ZNF385D: variants seen among roughly 807,000 people sequenced by gnomAD.
ZNF385D encodes zinc finger protein 659.
In ZNF385D, 15 loss-of-function variants were observed where a neutral mutation model predicts 35.8. The observed-to-expected ratio is 0.42, with a 90% CI of 0.28 to 0.64. The LOEUF (loss-of-function observed/expected upper bound fraction) is 0.64. Among genes scored for constraint, ZNF385D ranks in the 30% least tolerant of loss-of-function variants. The probability of loss-of-function intolerance (pLI) is 0.23; values close to 1 mark genes in which losing one functional copy is unlikely to be tolerated. For synonymous variants in ZNF385D, 212 were observed against 186.8 expected, an observed-to-expected ratio of 1.13 and a Z score of -1.10; for missense variants, 474 against 494.6, an observed-to-expected ratio of 0.96 and a Z score of 0.39.
intron 1 of ZNF385D, among the ~76,000 whole-genome samples, chr3:21,748,453 C>G (rs2069889921): frequency 6.6e-6 from 1 of 152,076 alleles, no homozygotes; most frequent in Non-Finnish European, 1.5e-5. Context: ...ACTGACAAAT[C>G]AGATGATTTA....
chr3:21,860,749 G>A (rs1196077961), intron 3 of ZNF385D, among the ~76,000 whole-genome samples: 1 of 152,132 alleles, frequency 6.6e-6, no homozygotes, highest in Non-Finnish European at 1.5e-5. Context: ...TGATACCTGA[G>A]GCAGTTTCAT....
chr3:22,114,292 A>G (rs1036872916), intron 3 of ZNF385D, among the ~76,000 whole-genome samples: 1 of 152,098 alleles, frequency 6.6e-6, no homozygotes, highest in Non-Finnish European at 1.5e-5. Context: ...TAATTCACAT[A>G]ACATTTGCAT....
At chr3:22,359,309 A>C (rs1696305754) in intron 2 of ZNF385D, among the ~76,000 whole-genome samples, 1 of 151,786 alleles carries the variant, frequency 6.6e-6, no homozygotes, top group African/African-American at 2.4e-5. Flanking sequence ...TGTCTTGTAG[A>C]ATCCAGTATC....
chr3:21,466,551 C>A (rs528716945), intron 4 of ZNF385D, among the ~76,000 whole-genome samples: 1 of 152,292 alleles, frequency 6.6e-6, no homozygotes, highest in East Asian at 1.9e-4. Flanking sequence ...TCTGACCACA[C>A]AACATCATGA....
intron 3 of ZNF385D, among the ~76,000 whole-genome samples, chr3:21,946,742 G>C (rs113037957): frequency 2.0e-5 from 3 of 152,112 alleles, no homozygotes; most frequent in African/African-American, 7.2e-5. Context: ...TGAAGCAGGA[G>C]AAACACTTGA....
intron 2 of ZNF385D, among the ~76,000 whole-genome samples, chr3:22,305,690 T>G (rs73821880): frequency 0.065 from 9,907 of 152,156 alleles, 834 homozygotes; most frequent in African/African-American, 0.19. Context: ...CCTAAGCAAG[T>G]CACACGGCCA....
At chr3:21,571,139 C>G (rs1196709067) in intron 2 of ZNF385D, among the ~76,000 whole-genome samples, 1 of 152,174 alleles carries the variant, frequency 6.6e-6, no homozygotes, top group Non-Finnish European at 1.5e-5. Context: ...TTTCAGCAAT[C>G]AAGTCTCTCA....
intron 3 of ZNF385D, among the ~76,000 whole-genome samples, chr3:22,144,329 T>C (rs1381095612): frequency 2.0e-5 from 3 of 152,108 alleles, no homozygotes; most frequent in African/African-American, 7.2e-5. Flanking sequence ...ATCTCAGCAC[T>C]ACTGGAGGCC....
chr3:21,470,628 T>C (rs1303323885), intron 4 of ZNF385D, among the ~76,000 whole-genome samples: 1 of 152,102 alleles, frequency 6.6e-6, no homozygotes, highest in Non-Finnish European at 1.5e-5. Context: ...CAAAAACAAA[T>C]GGTTTTCCCA....
chr3:21,817,891 T>C (rs1444421041), intron 3 of ZNF385D, among the ~76,000 whole-genome samples: 2 of 152,174 alleles, frequency 1.3e-5, no homozygotes, highest in African/African-American at 4.8e-5. Context: ...ATGTTTATTG[T>C]GGCACTACTC....
chr3:22,341,383 G>A (rs1369726727), intron 2 of ZNF385D, among the ~76,000 whole-genome samples: 1 of 152,078 alleles, frequency 6.6e-6, no homozygotes, highest in Non-Finnish European at 1.5e-5. Flanking sequence ...CTAAGTTGAG[G>A]AGTTGTGACA....
chr3:22,319,811 T>C (rs1229102404), intron 2 of ZNF385D, among the ~76,000 whole-genome samples: 1 of 152,220 alleles, frequency 6.6e-6, no homozygotes, highest in Non-Finnish European at 1.5e-5. Flanking sequence ...TAATTTGGGC[T>C]GAAAGGGGTT....
At chr3:21,630,948 T>C (rs111802672) in intron 2 of ZNF385D, among the ~76,000 whole-genome samples, 4,143 of 152,216 alleles carry the variant, frequency 0.027, 111 homozygotes, top group South Asian at 0.12. Flanking sequence ...GAGGTGAAGA[T>C]ACGATAAAAA....
chr3:22,274,783 A>G (rs1394058838), intron 2 of ZNF385D, among the ~76,000 whole-genome samples: 2 of 109,192 alleles, frequency 1.8e-5, no homozygotes, highest in Non-Finnish European at 3.6e-5. Context: ...CGAAGTTAGT[A>G]CTTTTTTTTT....
chr3:22,042,099 G>T (rs547658859), intron 3 of ZNF385D, among the ~76,000 whole-genome samples: 1 of 152,056 alleles, frequency 6.6e-6, no homozygotes, highest in East Asian at 1.9e-4. Flanking sequence ...TATCAGATTG[G>T]GTCAAACATG....
intron 3 of ZNF385D, among the ~76,000 whole-genome samples, chr3:22,039,744 A>G (rs1036065336): frequency 6.6e-6 from 1 of 152,106 alleles, no homozygotes. Flanking sequence ...CTAAATAACT[A>G]TTGCTTAAAA....
chr3:22,144,008 T>A (rs1704687071), intron 3 of ZNF385D, among the ~76,000 whole-genome samples: 1 of 152,090 alleles, frequency 6.6e-6, no homozygotes, highest in Non-Finnish European at 1.5e-5. Flanking sequence ...TATCTTTGAT[T>A]TTGAACATGA....
At chr3:22,066,287 G>C (rs568529039) in intron 3 of ZNF385D, among the ~76,000 whole-genome samples, 2 of 149,682 alleles carry the variant, frequency 1.3e-5, no homozygotes, top group Admixed American at 1.3e-4. Context: ...GGAAAACAAT[G>C]CTTCTTTGTA....
intron 3 of ZNF385D, among the ~76,000 whole-genome samples, chr3:22,078,022 T>G (rs369031959): frequency 6.6e-6 from 1 of 151,970 alleles, no homozygotes; most frequent in East Asian, 1.9e-4. Context: ...TGTATTTTTA[T>G]TGGATTTCAA....
Sources: allele counts gnomAD v4.1 joint callset (sites outside exome capture counted in the v4.1 genomes callset), GRCh38; gene constraint gnomAD v4.1.1; transcripts MANE v1.5; gene names NCBI Gene and HGNC (gene_info 2026-07-23, HGNC 2026-07-21).